CHRNB4: variants seen among roughly 807,000 people sequenced by gnomAD.
CHRNB4 encodes cholinergic receptor nicotinic beta 4 subunit.
A neutral mutation model predicts 40.4 loss-of-function variants in CHRNB4; 23 were observed. The observed-to-expected ratio is 0.57, with a 90% CI of 0.41 to 0.81. The LOEUF is 0.81. CHRNB4 is among the 30% of genes least tolerant of loss of function. The probability of loss-of-function intolerance (pLI) is 0.00; values close to 1 mark genes in which losing one functional copy is unlikely to be tolerated. For synonymous variants in CHRNB4, 285 were observed against 274.4 expected, an observed-to-expected ratio of 1.04 and a Z score of -0.38; for missense variants, 568 against 670.6, an observed-to-expected ratio of 0.85 and a Z score of 1.69.
At chr15:78,659,277 A>G (rs556662423) in intron 1 of CHRNB4, among the ~76,000 whole-genome samples, 1 of 152,216 alleles carries the variant, frequency 6.6e-6, no homozygotes, top group East Asian at 1.9e-4. Context: ...AAAACAAACA[A>G]ACAAACGCTA....
Position 78,629,270 on chromosome 15 carries a change from G to A in CHRNB4, c.1035C>T (p.Leu345=), listed in dbSNP as rs762722963. The change falls in exon 5 of 6, where the codon CTC becomes CTT. Residue 345 remains leucine, a synonymous_variant. Transcript: ENST00000261751. This position sits in a 1 kb window ranked among gnomAD's most constrained non-coding sequence, Gnocchi z 6.8. ...TGTCGGGGCCAGGGCGCTTCATGAAGAGGAAGGTAGGCAGCTTGTGCAGGA... is the reference window on the plus strand; with the variant it reads ...TGTCGGGGCCAGGGCGCTTCATGAAAAGGAAGGTAGGCAGCTTGTGCAGGA... ...RCFLHKLPTF[L]FMKRPGPDSS... The A allele has an allele frequency of 1.5e-5, 25 of 1,613,300 alleles. No homozygotes were observed. Among genetic ancestry groups the A allele is most frequent in the Non-Finnish European group, 1.9e-5 (23 of 1,179,538 alleles).
intron 5 of CHRNB4, among the ~76,000 whole-genome samples, chr15:78,628,581 T>C (rs1277120827): frequency 1.3e-5 from 2 of 152,254 alleles, no homozygotes; most frequent in South Asian, 2.1e-4. Flanking sequence ...TGAGGCTTGT[T>C]CCCACGGGTC....
chr15:78,661,409 C>T (rs954824562), upstream of CHRNB4: 11 of 521,878 alleles, frequency 2.1e-5, no homozygotes, highest in Non-Finnish European at 4.1e-5. Context: ...CTTCATCTTC[C>T]GGATCATCTG....
upstream of CHRNB4, among the ~76,000 whole-genome samples, chr15:78,643,698 G>C (rs1306606757): frequency 6.6e-6 from 1 of 152,002 alleles, no homozygotes; most frequent in African/African-American, 2.4e-5. Flanking sequence ...TTTGCAGGCA[G>C]GTATGATTGT....
At chr15:78,635,729 T>C in intron 1 of CHRNB4, 142 bp from the exon 2 acceptor site, 1 of 1,051,374 alleles carries the variant, frequency 9.5e-7, no homozygotes, top group South Asian at 1.5e-5. Context: ...GGCCTGTCTC[T>C]CCTTGAGGAC....
chr15:78,629,041 G>C lies in CHRNB4; in HGVS notation c.1264C>G (p.Gln422Glu), dbSNP rs2053727458. 6.2e-7 allele frequency: 1 copy of C among 1,614,066 alleles called. No individual in the cohort carries two copies. Among genetic ancestry groups the C allele is most frequent in the Non-Finnish European group, 8.5e-7 (1 of 1,180,062 alleles). The change falls in exon 5 of 6, where the codon CAG becomes GAG. Residue 422 changes from glutamine (Q) to glutamate (E), a missense_variant. Coordinates refer to ENST00000261751, the MANE Select transcript of CHRNB4 (RefSeq NM_000750.5). This position sits in a 1 kb window ranked among gnomAD's most constrained non-coding sequence, Gnocchi z 6.8. Reference protein sequence around the residue: ...FWLRSSGRFRQDVQEALEGVS... With the variant: ...FWLRSSGRFREDVQEALEGVS... ...CCTTCTAATGCCTCCTGCACATCCT[G>C]TCGGAACCTCCCAGAGGACCGCAGC... is the stretch of plus-strand genomic sequence containing the variant.
exon 3 of CHRNB4, chr15:78,657,335 A>G (rs988703083): frequency 6.6e-6 from 1 of 152,000 alleles, no homozygotes; most frequent in Non-Finnish European, 1.5e-5. Flanking sequence ...TTCTTACCCA[A>G]TGTTTCCTTT....
rs71534215 is a variant in CHRNB4, at chr15:78,625,289, G to A, written c.1341C>T (p.Val447=). 3 of 1,532,932 alleles carry A rather than the reference G, an allele frequency of 2.0e-6. No individual in the cohort carries two copies. Among genetic ancestry groups the A allele is most frequent in the South Asian group, 2.6e-5 (2 of 77,438 alleles). 95.0% of individuals were successfully genotyped at this position (1,532,932 alleles called of 1,614,324 possible). ...HMKNDDEDQS[V]VEDWKYVAMV... ...TAGCCACGTACTTCCAGTCCTCAAC[G>A]ACCTGCAGGCAGACAGAGGAGTTGG... is the stretch of plus-strand genomic sequence containing the variant. The change falls in exon 6 of 6, where the codon GTC becomes GTT. Residue 447 remains valine (V), a splice_region_variant and synonymous_variant. Transcript: ENST00000261751.
chr15:78,649,145 G>A (rs551886024), intron 7 of CHRNB4, among the ~76,000 whole-genome samples: 2 of 152,196 alleles, frequency 1.3e-5, no homozygotes, highest in African/African-American at 2.4e-5. Context: ...AGGAGCACTC[G>A]CCAACTGCTG....
intron 6 of CHRNB4, among the ~76,000 whole-genome samples, chr15:78,650,898 G>C (rs2054166673): frequency 6.6e-6 from 1 of 152,196 alleles, no homozygotes; most frequent in Non-Finnish European, 1.5e-5. Flanking sequence ...GGGGAAAAAT[G>C]AAGTCATAGG....
At chr15:78,641,046 G>A (rs1171463294) in intron 1 of CHRNB4, 33 bp downstream of exon 1, 1 of 1,554,092 alleles carries the variant, frequency 6.4e-7, no homozygotes, top group Admixed American at 1.9e-5. Context: ...CCCAACCCAG[G>A]CGCCCCTCCC....
chr15:78,630,167 T>C (rs1404610253), intron 4 of CHRNB4, among the ~76,000 whole-genome samples: 1 of 148,042 alleles, frequency 6.8e-6, no homozygotes, highest in Admixed American at 6.7e-5. Flanking sequence ...TGAGACAGAC[T>C]CTTGCTCTGT....
chr15:78,657,780 C>A (rs1003185807), intron 2 of CHRNB4, among the ~76,000 whole-genome samples: 7 of 151,698 alleles, frequency 4.6e-5, no homozygotes, highest in Non-Finnish European at 1.0e-4. Context: ...TCTTGATCTC[C>A]TGCCCTCATG....
Position 78,629,249 on chromosome 15 carries a change from G to C in CHRNB4, c.1056C>G (p.Pro352=). ...PTFLFMKRPG[P]DSSPARAFPP... ...GGAAGGCTCTGGCCGGGCTGCTGTCGGGGCCAGGGCGCTTCATGAAGAGGA... is the reference window on the plus strand; with the variant it reads ...GGAAGGCTCTGGCCGGGCTGCTGTCCGGGCCAGGGCGCTTCATGAAGAGGA... Residue 352 remains proline (P), a synonymous_variant, in exon 5 of 6, where the codon CCC becomes CCG. Coordinates refer to ENST00000261751, the MANE Select transcript of CHRNB4 (RefSeq NM_000750.5). This position sits in a 1 kb window ranked among gnomAD's most constrained non-coding sequence, Gnocchi z 6.8. The C allele has an allele frequency of 6.2e-7, 1 of 1,613,286 alleles. No individual in the cohort carries two copies. The highest frequency in any genetic ancestry group is 8.5e-7 in the Non-Finnish European group (1 of 1,179,510).
intron 1 of CHRNB4, among the ~76,000 whole-genome samples, chr15:78,638,462 G>C (rs1193366047): frequency 6.6e-6 from 1 of 152,258 alleles, no homozygotes; most frequent in East Asian, 1.9e-4. Flanking sequence ...AGGTATAGGA[G>C]CCTCTTTCCG....
At chr15:78,648,169 G>A (rs1421425701) in intron 7 of CHRNB4, among the ~76,000 whole-genome samples, 2 of 151,834 alleles carry the variant, frequency 1.3e-5, no homozygotes, top group Admixed American at 6.6e-5. Context: ...CTAGGCGGGT[G>A]GATCACGAGG....
chr15:78,632,875 G>A (rs190386805), intron 2 of CHRNB4, among the ~76,000 whole-genome samples: 79 of 152,004 alleles, frequency 5.2e-4, no homozygotes, highest in African/African-American at 1.8e-3. Flanking sequence ...CACCACCACC[G>A]CCACCATACA....
rs1198235304 is a variant in CHRNB4 at position 78,628,417 on chromosome 15, G to GC, written c.1338+549dup. On this transcript the variant is annotated intron_variant, in intron 5 of 5. Transcript: ENST00000261751. ...GGCACCCGCATTTCCTCTCTCCTCT[G>GC]CCTCAGGGCTTTCTCCAGCACCAAG... Among the ~76,000 whole-genome samples, 3 of 152,146 alleles carry GC rather than the reference G, an allele frequency of 2.0e-5. No individual in the cohort carries two copies. In the East Asian group the frequency reaches 5.8e-4, roughly 29 times the overall value.
chr15:78,653,521 C>T (rs945578912), intron 5 of CHRNB4, among the ~76,000 whole-genome samples: 8 of 152,160 alleles, frequency 5.3e-5, no homozygotes, highest in African/African-American at 1.7e-4. Flanking sequence ...GCAGTGCTGG[C>T]GGAAAACCTG....
Sources: allele counts gnomAD v4.1 joint callset (sites outside exome capture counted in the v4.1 genomes callset), GRCh38; gene constraint gnomAD v4.1.1; non-coding constraint Gnocchi (gnomAD v3.1); transcripts MANE v1.5; gene names NCBI Gene and HGNC (gene_info 2026-07-23, HGNC 2026-07-21).